The following DYNC2I1 variants were observed in gnomAD, a reference collection of about 807,000 sequenced individuals.
DYNC2I1 encodes the protein dynein 2 intermediate chain 1.
A neutral mutation model predicts 133.4 loss-of-function variants in DYNC2I1; 89 were observed. The observed-to-expected ratio is 0.67, with a 90% CI of 0.56 to 0.80. The LOEUF is 0.80. Ranked by LOEUF, DYNC2I1 falls within the 30% of genes least tolerant of loss-of-function variation. The pLI, the probability that DYNC2I1 is intolerant of heterozygous loss-of-function variation, is 0.00. For missense variants in DYNC2I1, 1,291 were observed against 1,314.5 expected, an observed-to-expected ratio of 0.98 and a Z score of 0.28; for synonymous variants, 504 against 484.3, an observed-to-expected ratio of 1.04 and a Z score of -0.54.
rs770706124 is a variant in DYNC2I1, at chr7:158,871,339, G to A, written c.267G>A (p.Gln89=). The change falls in exon 3 of 25, where the codon CAG becomes CAA. Residue 89 remains glutamine, a synonymous_variant. Transcript: ENST00000407559. ...SPRGERDRDR[Q]RERRRDAKDR... is the part of the protein sequence containing the mutation. ...GTGGGGAGAGGGACAGAGACAGACA[G>A]AGGGAGAGGAGAAGAGACGCAAAAG... is the stretch of plus-strand genomic sequence containing the variant. 8 of 1,555,346 alleles carry A rather than the reference G, an allele frequency of 5.1e-6. No homozygotes were observed. In the Admixed American group the frequency reaches 1.6e-4, roughly 30 times the overall value.
rs1441582856 is a variant in DYNC2I1, at chr7:158,911,545, C to CT, written c.1461-5_1461-4insT. 11 of 1,610,686 alleles carry CT rather than the reference C, an allele frequency of 6.8e-6. No individual in the cohort carries two copies. Among genetic ancestry groups the CT allele is most frequent in the Non-Finnish European group, 9.3e-6 (11 of 1,178,976 alleles). ...TTTTTGTCTTGTTTCCAATTTATTT[C>CT]AAAGGATGCGAAGTACAAAACTGCT... On this transcript the variant is annotated splice_region_variant and splice_polypyrimidine_tract_variant and intron_variant, in intron 11 of 24. Transcript: ENST00000407559.
intron 23 of DYNC2I1, among the ~76,000 whole-genome samples, chr7:158,937,486 C>T (rs928907027): frequency 1.1e-4 from 17 of 152,100 alleles, no homozygotes; most frequent in African/African-American, 3.4e-4. Context: ...ATTAGCCTGG[C>T]GTGGTGGCGG....
intron 14 of DYNC2I1, among the ~76,000 whole-genome samples, chr7:158,915,467 G>C (rs984778359): frequency 2.4e-5 from 3 of 126,606 alleles, no homozygotes; most frequent in Non-Finnish European, 5.3e-5. Flanking sequence ...ACGTCGACAC[G>C]CTGGTTGACA....
chr7:158,913,013 T>C lies in DYNC2I1; in HGVS notation c.1619T>C (p.Val540Ala), dbSNP rs748864059. The change falls in exon 13 of 25, where the codon GTT (valine) becomes GCT (alanine). Residue 540 changes from valine (V) to alanine (A), a missense_variant. Physicochemically the swap from Val to Ala is moderately conservative, Grantham distance 64. Transcript: ENST00000407559. The part of the protein sequence containing the change: ...QAYVQCNEDN[V>A]ERDIQTEEIE... ...TATGTTCAGTGTAACGAAGATAATG[T>C]TGAAAGAGACATTCAAACGGAGGAA... 1.9e-6 allele frequency: 3 copies of C among 1,613,296 alleles called. No individual in the cohort carries two copies. The highest frequency in any genetic ancestry group is 2.5e-6 in the Non-Finnish European group (3 of 1,179,564).
At position 158,905,978 on chromosome 7, in the gene DYNC2I1, C is replaced by A; in HGVS notation, c.1358-11C>A. 1 of 1,607,918 alleles carries A rather than the reference C, an allele frequency of 6.2e-7. No homozygotes were observed. The highest frequency in any genetic ancestry group is 8.5e-7 in the Non-Finnish European group (1 of 1,176,868). On this transcript the variant is annotated splice_polypyrimidine_tract_variant and intron_variant, in intron 10 of 24. Coordinates refer to ENST00000407559, the MANE Select transcript of DYNC2I1 (RefSeq NM_018051.5). ...CGTGTTGGAAAAATAGTGTTTTTCT[C>A]CCTCACACAGATACAAACAGTTCCC...
In DYNC2I1 at chr7:158,945,679, A is replaced by T; in HGVS notation, c.3101A>T (p.His1034Leu). Residue 1034 changes from histidine to leucine, a missense_variant, in exon 25 of 25, where the codon CAC (histidine) becomes CTC (leucine). Transcript: ENST00000407559. The surrounding 1 kb of genome is among the most constrained non-coding windows in gnomAD (Gnocchi z 4.1). ...GCGTCTGGCTCCATCGACATCCAGCACCTGAAGAGGCGGTGGGCGGCCCCG... is the reference window on the plus strand; with the variant it reads ...GCGTCTGGCTCCATCGACATCCAGCTCCTGAAGAGGCGGTGGGCGGCCCCG... Reference protein sequence around the residue: ...ARASGSIDIQHLKRRWAAPEV... With the variant: ...ARASGSIDIQLLKRRWAAPEV... 6.2e-7 allele frequency: 1 copy of T among 1,612,812 alleles called. No homozygotes were observed. The highest frequency in any genetic ancestry group is 1.7e-5 in the Admixed American group (1 of 59,852).
At chr7:158,946,394 T>C (rs1490604947), downstream of DYNC2I1, among the ~76,000 whole-genome samples, 1 of 152,240 alleles carries the variant, frequency 6.6e-6, no homozygotes, top group Non-Finnish European at 1.5e-5. Flanking sequence ...CAAAATGCCC[T>C]GGGCTGGGTA....
chr7:158,879,859 A>G lies in DYNC2I1; in HGVS notation c.749A>G (p.Asp250Gly). The change falls in exon 5 of 25, where the codon GAC becomes GGC. Residue 250 changes from aspartate to glycine, a missense_variant. Transcript: ENST00000407559. ...YSKEKSNSFS[D>G]KGEERHKEKR... Reference sequence around the variant, plus strand: ...AAAGAGAAAAGTAATTCATTCTCTGACAAAGGGGAAGAAAGACATAAAGAA... The same window carrying G: ...AAAGAGAAAAGTAATTCATTCTCTGGCAAAGGGGAAGAAAGACATAAAGAA... The G allele has an allele frequency of 6.2e-7, 1 of 1,613,862 alleles. No individual in the cohort carries two copies. Among genetic ancestry groups the G allele is most frequent in the African/African-American group, 1.3e-5 (1 of 75,040 alleles).
Position 158,945,456 on chromosome 7 carries a change from T to C in DYNC2I1, c.3003-125T>C, listed in dbSNP as rs1585267461. The C allele has an allele frequency of 5.5e-6, 6 of 1,082,992 alleles. No individual in the cohort carries two copies. In the South Asian group the frequency reaches 8.2e-5, roughly 15 times the overall value. 67.1% of individuals were successfully genotyped at this position (1,082,992 alleles called of 1,614,324 possible). A position where few individuals can be genotyped will look rare whatever the true frequency, so the allele number is the denominator to read the frequency against. The stretch of plus-strand genomic sequence containing the variant: ...CTGGTCTAGCTTTCATTTTGGCTAT[T>C]GGTATTTTTAGAATTTCTCATCCGT... On this transcript the variant is annotated intron_variant, in intron 24 of 24. Transcript: ENST00000407559. The surrounding 1 kb of genome is among the most constrained non-coding windows in gnomAD (Gnocchi z 4.1).
intron 5 of DYNC2I1, among the ~76,000 whole-genome samples, chr7:158,883,720 T>C (rs1315813629): frequency 2.9e-5 from 4 of 139,816 alleles, no homozygotes; most frequent in Middle Eastern, 3.4e-3. Flanking sequence ...CTGGAGTGCA[T>C]TGGCGCAATC....
chr7:158,915,608 A>T (rs1848074712), intron 14 of DYNC2I1, among the ~76,000 whole-genome samples: 2 of 144,608 alleles, frequency 1.4e-5, no homozygotes, highest in African/African-American at 5.2e-5. Flanking sequence ...ATGATTGTGA[A>T]ACATCGACAC....
chr7:158,885,309 G>A (rs1359573218), intron 6 of DYNC2I1, among the ~76,000 whole-genome samples: 11 of 151,238 alleles, frequency 7.3e-5, no homozygotes, highest in African/African-American at 2.7e-4. Flanking sequence ...TCTCGTGTGG[G>A]TTTTGCAATA....
intron 5 of DYNC2I1, 135 bp from the exon 6 acceptor site, chr7:158,884,428 AT>A (rs1272815959): frequency 1.6e-6 from 1 of 634,822 alleles, no homozygotes; most frequent in Non-Finnish European, 2.6e-6. Context: ...AAAAATAGTT[AT>A]TTTAAAAGGT....
intron 4 of DYNC2I1, 101 bp from the exon 5 acceptor site, chr7:158,879,583 T>G: frequency 8.0e-7 from 1 of 1,245,972 alleles, no homozygotes; most frequent in Non-Finnish European, 1.1e-6. Context: ...TTTTGATCCG[T>G]GGTTGGTTGG....
intron 14 of DYNC2I1, among the ~76,000 whole-genome samples, chr7:158,915,584 G>A (rs1441666762): frequency 6.6e-5 from 10 of 151,086 alleles, no homozygotes; most frequent in South Asian, 2.1e-4. Flanking sequence ...TCGACACGCT[G>A]GTTGAGATTA....
chr7:158,871,681 T>C, intron 3 of DYNC2I1, 119 bp downstream of exon 3: 2 of 1,173,732 alleles, frequency 1.7e-6, no homozygotes, highest in East Asian at 5.1e-5. Flanking sequence ...TCCCCTTTCC[T>C]TTTTTTTCTG....
At chr7:158,927,135 C>A in intron 20 of DYNC2I1, 92 bp downstream of exon 20, 1 of 892,142 alleles carries the variant, frequency 1.1e-6, no homozygotes, top group Non-Finnish European at 1.7e-6. Flanking sequence ...CAGTGGCTCA[C>A]ACCTGCTGGG....
At chr7:158,897,383 CT>C (rs1056924417) in intron 8 of DYNC2I1, among the ~76,000 whole-genome samples, 2 of 152,084 alleles carry the variant, frequency 1.3e-5, no homozygotes, top group African/African-American at 4.8e-5. Context: ...CTTGTGTTTT[CT>C]TTTTTAGAAG....
At chr7:158,942,667 T>G (rs926391750) in intron 24 of DYNC2I1, among the ~76,000 whole-genome samples, 1 of 152,206 alleles carries the variant, frequency 6.6e-6, no homozygotes, top group African/African-American at 2.4e-5. Flanking sequence ...TATAAGTTTG[T>G]AATGTCTGAA....
Sources: allele counts gnomAD v4.1 joint callset (sites outside exome capture counted in the v4.1 genomes callset), GRCh38; gene constraint gnomAD v4.1.1; non-coding constraint Gnocchi (gnomAD v3.1); transcripts MANE v1.5; gene names NCBI Gene and HGNC (gene_info 2026-07-23, HGNC 2026-07-21).